Variants in NOX4 observed in about 807,000 individuals in gnomAD.
NOX4 encodes kidney oxidase-1.
NOX4 carries 69 observed loss-of-function variants against 87.6 expected under a neutral mutation model. The ratio of observed to expected loss-of-function variants is 0.79; its 90% CI spans 0.65 to 0.96. The LOEUF (loss-of-function observed/expected upper bound fraction) is 0.96, where lower values mean the gene tolerates loss of function less well. Among genes scored for constraint, NOX4 ranks in the 40% least tolerant of loss-of-function variants. The probability of loss-of-function intolerance (pLI) is 0.00; values close to 1 mark genes in which losing one functional copy is unlikely to be tolerated. For missense variants in NOX4, 680 were observed against 681.5 expected (o/e 1.00, Z 0.02); for synonymous variants, 275 against 238.2 (o/e 1.15, Z -1.42).
chr11:89,478,907 TGAGCC>T (rs1946276826), intron 2 of NOX4, among the ~76,000 whole-genome samples: 2 of 152,048 alleles, frequency 1.3e-5, no homozygotes, highest in Admixed American at 1.3e-4. Context: ...AATAATCACT[TGAGCC>T]AAGGAGTTTA....
intron 5 of NOX4, among the ~76,000 whole-genome samples, chr11:89,441,360 G>C (rs988096918): frequency 1.7e-4 from 26 of 152,036 alleles, no homozygotes; most frequent in Non-Finnish European, 3.2e-4. Context: ...CTACCTTCTG[G>C]AAAACCAATC....
intron 2 of NOX4, among the ~76,000 whole-genome samples, chr11:89,483,887 A>C (rs1946488441): frequency 6.6e-6 from 1 of 152,144 alleles, no homozygotes; most frequent in South Asian, 2.1e-4. Flanking sequence ...TTGTCAATTA[A>C]AATTTTATAA....
At chr11:89,442,198 G>A (rs546800212) in intron 5 of NOX4, among the ~76,000 whole-genome samples, 1 of 151,596 alleles carries the variant, frequency 6.6e-6, no homozygotes, top group Non-Finnish European at 1.5e-5. Flanking sequence ...AATAAAGGCA[G>A]GGGAAATACT....
chr11:89,475,735 A>G (rs769346653), intron 2 of NOX4, among the ~76,000 whole-genome samples: 1 of 152,070 alleles, frequency 6.6e-6, no homozygotes, highest in Non-Finnish European at 1.5e-5. Flanking sequence ...ATATTATACT[A>G]TAGCAATCTA....
chr11:89,540,033 G>A, the NOX4 span, among the ~76,000 whole-genome samples: 24 of 152,114 alleles, frequency 1.6e-4, no homozygotes, highest in Admixed American at 3.3e-4. Flanking sequence ...TCTAGCCTAA[G>A]AACAGATTAG....
chr11:89,566,634 G>A, the NOX4 span, among the ~76,000 whole-genome samples: 2 of 152,262 alleles, frequency 1.3e-5, no homozygotes, highest in African/African-American at 4.8e-5. Context: ...GCTAGAAACA[G>A]CAAGGAAAAG....
chr11:89,396,402 G>C (rs911965263), intron 11 of NOX4, among the ~76,000 whole-genome samples: 7 of 152,032 alleles, frequency 4.6e-5, no homozygotes, highest in African/African-American at 1.7e-4. Context: ...AGGAGATTTT[G>C]GGCTGAGACG....
At chr11:89,381,263 A>G (rs547018878) in intron 11 of NOX4, among the ~76,000 whole-genome samples, 2 of 152,294 alleles carry the variant, frequency 1.3e-5, no homozygotes, top group East Asian at 3.9e-4. Flanking sequence ...AAAACAATGA[A>G]TCACACAAGT....
chr11:89,344,204 A>C (rs1310930237), intron 13 of NOX4, among the ~76,000 whole-genome samples: 1 of 151,832 alleles, frequency 6.6e-6, no homozygotes, highest in East Asian at 1.9e-4. Flanking sequence ...ATTTTTGAAA[A>C]ATATTTGCCT....
intron 13 of NOX4, among the ~76,000 whole-genome samples, chr11:89,344,234 A>G (rs1400242008): frequency 1.3e-5 from 2 of 152,082 alleles, no homozygotes; most frequent in Non-Finnish European, 2.9e-5. Context: ...TTCTCTGATC[A>G]TCTGTCACTT....
At chr11:89,428,991 G>C (rs978944840) in intron 7 of NOX4, among the ~76,000 whole-genome samples, 19 of 152,220 alleles carry the variant, frequency 1.2e-4, no homozygotes, top group South Asian at 1.2e-3. Context: ...AAATGTAAAA[G>C]AACAGAAATT....
At chr11:89,489,549 G>A (rs956435268) in intron 2 of NOX4, among the ~76,000 whole-genome samples, 11 of 151,900 alleles carry the variant, frequency 7.2e-5, no homozygotes, top group Admixed American at 3.9e-4. Flanking sequence ...CCAACATGGT[G>A]AAACCTTGTG....
chr11:89,474,156 C>G (rs932233519), intron 2 of NOX4, among the ~76,000 whole-genome samples: 2 of 151,996 alleles, frequency 1.3e-5, no homozygotes, highest in African/African-American at 4.8e-5. Context: ...TTGCGCCAAC[C>G]TATTAAATTA....
intron 8 of NOX4, among the ~76,000 whole-genome samples, chr11:89,419,013 A>G (rs1461999946): frequency 3.3e-5 from 5 of 152,110 alleles, no homozygotes; most frequent in Non-Finnish European, 5.9e-5. Flanking sequence ...CTGAATTGCT[A>G]GCATTCATGT....
chr11:89,435,706 G>A (rs1944051430), intron 6 of NOX4, among the ~76,000 whole-genome samples: 2 of 152,008 alleles, frequency 1.3e-5, no homozygotes, highest in African/African-American at 4.8e-5. Flanking sequence ...TAAAATAGAA[G>A]GGCCAGACGA....
intron 12 of NOX4, among the ~76,000 whole-genome samples, chr11:89,366,447 G>A (rs1248301751): frequency 1.3e-5 from 2 of 152,042 alleles, no homozygotes; most frequent in Admixed American, 6.6e-5. Flanking sequence ...GGAGGCCGAG[G>A]TGGGCTGATC....
chr11:89,530,138 C>T, the NOX4 span, among the ~76,000 whole-genome samples: 11 of 150,144 alleles, frequency 7.3e-5, no homozygotes, highest in African/African-American at 2.5e-4. Context: ...CTTAAATGAT[C>T]TGTGCAAGGT....
intron 11 of NOX4, among the ~76,000 whole-genome samples, chr11:89,382,965 G>A (rs997007096): frequency 1.3e-5 from 2 of 151,750 alleles, no homozygotes; most frequent in Admixed American, 6.6e-5. Context: ...ACCCTTTACC[G>A]CCCTAGACCC....
chr11:89,398,700 A>T (rs888812299), intron 11 of NOX4, among the ~76,000 whole-genome samples: 9 of 151,460 alleles, frequency 5.9e-5, no homozygotes, highest in Non-Finnish European at 8.8e-5. Context: ...CATATATATA[A>T]AATAGTTTTG....
Sources: allele counts gnomAD v4.1 joint callset (sites outside exome capture counted in the v4.1 genomes callset), GRCh38; gene constraint gnomAD v4.1.1; transcripts MANE v1.5; gene names NCBI Gene and HGNC (gene_info 2026-07-23, HGNC 2026-07-21).